DNAH14: variants seen among roughly 807,000 people sequenced by gnomAD.
DNAH14 encodes dynein axonemal heavy chain 14, also known as axonemal beta dynein heavy chain 14.
A neutral mutation model predicts 520.9 loss-of-function variants in DNAH14; 478 were observed. The ratio of observed to expected loss-of-function variants is 0.92; its 90% CI spans 0.85 to 0.99. The LOEUF is 0.99. DNAH14 is among the 50% of genes least tolerant of loss of function. The probability of loss-of-function intolerance (pLI) is 0.00; values close to 1 mark genes in which losing one functional copy is unlikely to be tolerated. For missense variants in DNAH14, 4,831 were observed against 5,234.5 expected, an observed-to-expected ratio of 0.92 and a Z score of 2.38; for synonymous variants, 1,581 against 1,757.2, an observed-to-expected ratio of 0.90 and a Z score of 2.51.
chr1:225,365,459 C>G (rs2095541094), intron 76 of DNAH14, among the ~76,000 whole-genome samples: 4 of 152,180 alleles, frequency 2.6e-5, no homozygotes, highest in Non-Finnish European at 5.9e-5. Flanking sequence ...CGATCACGTG[C>G]ACACTACCAG....
chr1:224,986,720 G>T (rs2062671958), intron 8 of DNAH14, among the ~76,000 whole-genome samples: 1 of 152,146 alleles, frequency 6.6e-6, no homozygotes, highest in East Asian at 1.9e-4. Flanking sequence ...AGCTAGCATT[G>T]TTGTACTGAA....
intron 41 of DNAH14, among the ~76,000 whole-genome samples, chr1:225,211,189 G>T (rs1219543489): frequency 1.3e-5 from 2 of 152,172 alleles, no homozygotes; most frequent in Non-Finnish European, 2.9e-5. Context: ...TCAGAAGGTG[G>T]GTAATAACAA....
chr1:224,953,053 C>T, intron 2 of DNAH14: 1 of 233,836 alleles, frequency 4.3e-6, no homozygotes, highest in Non-Finnish European at 8.4e-6. Flanking sequence ...TAACCAACAA[C>T]TGAGAAATCC....
chr1:225,110,609 GT>G (rs1176939828), intron 23 of DNAH14, among the ~76,000 whole-genome samples: 1 of 149,462 alleles, frequency 6.7e-6, no homozygotes, highest in East Asian at 2.0e-4. Flanking sequence ...TTTTCTTTAT[GT>G]TTTTTTCTAA....
At chr1:225,043,696 A>G in intron 13 of DNAH14, 48 bp from the exon 14 acceptor site, 1 of 1,306,922 alleles carries the variant, frequency 7.7e-7, no homozygotes, top group Non-Finnish European at 1.1e-6. Context: ...CCTGATATAA[A>G]TATCAATCAA....
intron 80 of DNAH14, among the ~76,000 whole-genome samples, chr1:225,380,800 A>G (rs776143121): frequency 6.6e-5 from 10 of 152,206 alleles, no homozygotes; most frequent in Non-Finnish European, 1.2e-4. Flanking sequence ...TTGCTAGACT[A>G]TGATAATTTT....
intron 27 of DNAH14, among the ~76,000 whole-genome samples, chr1:225,133,637 T>G (rs111912119): frequency 6.6e-6 from 1 of 152,186 alleles, no homozygotes; most frequent in Non-Finnish European, 1.5e-5. Context: ...AGCCTTGTAG[T>G]ATAGTTTGAA....
chr1:225,039,737 G>A (rs1572635343), intron 12 of DNAH14, among the ~76,000 whole-genome samples: 1 of 149,864 alleles, frequency 6.7e-6, no homozygotes, highest in South Asian at 2.1e-4. Context: ...AATTAGCCGG[G>A]CGTAGTGGCG....
intron 36 of DNAH14, among the ~76,000 whole-genome samples, chr1:225,170,181 A>T (rs994808642): frequency 1.3e-5 from 2 of 152,242 alleles, no homozygotes; most frequent in Admixed American, 6.5e-5. Context: ...AATTGCAAAG[A>T]CCGTTGAGGC....
Position 225,289,986 on chromosome 1 carries a change from C to T in DNAH14, c.8373C>T (p.Tyr2791=). 1.9e-6 allele frequency: 3 copies of T among 1,543,244 alleles called. No homozygotes were observed. Among genetic ancestry groups the T allele is most frequent in the Non-Finnish European group, 2.6e-6 (3 of 1,142,438 alleles). ...YRVPISHKCA[Y]IEFKEVFKKV... ...TGCCTATATCTCACAAATGTGCCTA[C>T]ATCGAATTCAAAGAAGTCTTTAAAA... is the stretch of plus-strand genomic sequence containing the variant. The change falls in exon 55 of 86, where the codon TAC becomes TAT. Residue 2791 remains tyrosine, a synonymous_variant. Transcript: ENST00000682510.
At chr1:225,101,146 A>T (rs1025393290) in intron 23 of DNAH14, among the ~76,000 whole-genome samples, 9 of 151,788 alleles carry the variant, frequency 5.9e-5, no homozygotes, top group African/African-American at 2.2e-4. Flanking sequence ...TTTAAAAGAG[A>T]TATCCTATCT....
chr1:225,002,785 C>T lies in DNAH14; in HGVS notation c.833C>T (p.Ser278Leu). ...VKRIKTEKSRSFLYHHLFLAD... is the reference protein window; with the variant it reads ...VKRIKTEKSRLFLYHHLFLAD... ...TGTAGAAATTTTTTAACTTTCAGGT[C>T]ATTTTTGTACCACCATCTTTTTTTG... Residue 278 changes from serine to leucine, a missense_variant and splice_region_variant, in exon 9 of 86, where the codon TCA (serine) becomes TTA (leucine). Physicochemically the swap from Ser to Leu is moderately radical, Grantham distance 145. Coordinates refer to ENST00000682510, the MANE Select transcript of DNAH14 (RefSeq NM_001367479.1). 4 of 1,547,990 alleles carry T rather than the reference C, an allele frequency of 2.6e-6. No homozygotes were observed. The highest frequency in any genetic ancestry group is 3.5e-6 in the Non-Finnish European group (4 of 1,145,378).
chr1:225,278,921 T>C (rs1421103799), intron 54 of DNAH14, among the ~76,000 whole-genome samples: 3 of 152,332 alleles, frequency 2.0e-5, no homozygotes, highest in African/African-American at 4.8e-5. Context: ...CTATTAAAAA[T>C]AGAAGGTAAA....
At chr1:224,964,893 T>C (rs2061065379) in intron 5 of DNAH14, among the ~76,000 whole-genome samples, 1 of 152,124 alleles carries the variant, frequency 6.6e-6, no homozygotes, top group Non-Finnish European at 1.5e-5. Flanking sequence ...GAAAGGGGTA[T>C]CATCTGCCTG....
At chr1:224,957,238 A>C (rs1000574269) in intron 3 of DNAH14, among the ~76,000 whole-genome samples, 24 of 152,122 alleles carry the variant, frequency 1.6e-4, no homozygotes, top group Non-Finnish European at 2.6e-4. Flanking sequence ...GCTTGCTTAA[A>C]ATAATGAATA....
intron 55 of DNAH14, among the ~76,000 whole-genome samples, chr1:225,291,933 GTTCT>G (rs1411565614): frequency 2.6e-5 from 4 of 151,518 alleles, no homozygotes; most frequent in African/African-American, 9.7e-5. Flanking sequence ...TTTGTTTTTC[GTTCT>G]TTATTTTTTG....
chr1:224,946,739 C>A (rs1036670388), intron 1 of DNAH14, among the ~76,000 whole-genome samples: 3 of 152,138 alleles, frequency 2.0e-5, no homozygotes, highest in African/African-American at 7.2e-5. Context: ...TTACTTCTCA[C>A]ATTTCAGTCA....
chr1:224,976,621 G>T (rs1008488443), intron 8 of DNAH14, among the ~76,000 whole-genome samples: 2 of 151,328 alleles, frequency 1.3e-5, no homozygotes, highest in African/African-American at 4.9e-5. Context: ...AAAGTACAAT[G>T]AACTCAAACA....
At chr1:225,036,434 C>T (rs1244620684) in intron 11 of DNAH14, among the ~76,000 whole-genome samples, 4 of 151,924 alleles carry the variant, frequency 2.6e-5, no homozygotes, top group Non-Finnish European at 5.9e-5. Flanking sequence ...CACGCCCTGC[C>T]CAGACTAAGA....
Sources: allele counts gnomAD v4.1 joint callset (sites outside exome capture counted in the v4.1 genomes callset), GRCh38; gene constraint gnomAD v4.1.1; transcripts MANE v1.5; gene names NCBI Gene and HGNC (gene_info 2026-07-23, HGNC 2026-07-21).